MACROD2: variants seen among roughly 807,000 people sequenced by gnomAD.
MACROD2 encodes the protein ADP-ribose glycohydrolase MACROD2.
Under a neutral mutation model 70.4 loss-of-function variants are expected in MACROD2, and 36 were observed. That is an observed-to-expected ratio of 0.51 (90% CI 0.39 to 0.68). The LOEUF (loss-of-function observed/expected upper bound fraction) is 0.68, where lower values mean the gene tolerates loss of function less well. MACROD2 is among the 30% of genes least tolerant of loss of function. The pLI is 0.00. For missense variants in MACROD2, 496 were observed against 538.4 expected (o/e 0.92, Z 0.78); for synonymous variants, 172 against 178.8 (o/e 0.96, Z 0.30).
At chr20:14,621,903 G>A (rs2123454066) in intron 4 of MACROD2, 1 of 152,248 alleles carries the variant, frequency 6.6e-6, no homozygotes, top group South Asian at 2.1e-4. Context: ...CCACAGTCAG[G>A]CCTTGGGAGG....
At chr20:14,684,625 A>G (rs2070976495) in intron 4 of MACROD2, among the ~76,000 whole-genome samples, 1 of 145,186 alleles carries the variant, frequency 6.9e-6, no homozygotes, top group African/African-American at 2.6e-5. Flanking sequence ...TAACCCTTCT[A>G]CTTCTGTTCA....
intron 8 of MACROD2, among the ~76,000 whole-genome samples, chr20:15,564,391 C>T (rs573034791): frequency 1.3e-5 from 2 of 152,300 alleles, no homozygotes; most frequent in African/African-American, 4.8e-5. Context: ...ATGGTGTGCT[C>T]ATGTCTGCTT....
chr20:14,428,151 T>A (rs1428101256), intron 3 of MACROD2, among the ~76,000 whole-genome samples: 1 of 152,110 alleles, frequency 6.6e-6, no homozygotes. Context: ...CAATTTTTAA[T>A]GAATTGAAAT....
intron 5 of MACROD2, chr20:14,888,552 G>A (rs1787792446): frequency 2.0e-5 from 3 of 152,102 alleles, no homozygotes; most frequent in Non-Finnish European, 4.4e-5. Context: ...ATGCCCCTCT[G>A]TTGTAACTAC....
intron 3 of MACROD2, among the ~76,000 whole-genome samples, chr20:14,355,264 C>T (rs1351926983): frequency 1.3e-5 from 2 of 152,182 alleles, no homozygotes; most frequent in African/African-American, 4.8e-5. Context: ...AAAGATACCA[C>T]TTGTAACCTA....
At chr20:14,016,913 T>C (rs2053000414) in intron 2 of MACROD2, among the ~76,000 whole-genome samples, 1 of 152,136 alleles carries the variant, frequency 6.6e-6, no homozygotes, top group Non-Finnish European at 1.5e-5. Flanking sequence ...CCGATTATAT[T>C]GAATCTGTAG....
At chr20:14,887,707 A>T (rs2225302) in intron 5 of MACROD2, among the ~76,000 whole-genome samples, 100,440 of 151,884 alleles carry the variant, frequency 0.66, 33,506 homozygotes, top group East Asian at 0.84. Context: ...ATTTCTTGAA[A>T]AATAGCAGAA....
intron 3 of MACROD2, among the ~76,000 whole-genome samples, chr20:14,468,807 G>A (rs940231122): frequency 2.6e-5 from 4 of 152,094 alleles, no homozygotes; most frequent in African/African-American, 9.7e-5. Flanking sequence ...GTCACGCCCA[G>A]CCTCTATGTG....
At chr20:14,655,224 A>C (rs918907583) in intron 4 of MACROD2, among the ~76,000 whole-genome samples, 14 of 152,112 alleles carry the variant, frequency 9.2e-5, no homozygotes, top group African/African-American at 3.1e-4. Context: ...TTGTATTCTA[A>C]AAGAGTGTAG....
chr20:14,213,694 G>T lies in MACROD2; in HGVS notation c.271+127966G>T, dbSNP rs181357721. ...AATCAACTCTCTATGGACTGGGAGA[G>T]CTCAGGAACAATATAGCTTTAAAAA... On this transcript the variant is annotated intron_variant, in intron 3 of 17. Transcript: ENST00000684519. Among the ~76,000 whole-genome samples the T allele has an allele frequency of 4.8e-4, 73 of 152,118 alleles. No individual in the cohort carries two copies. The East Asian group carries it at 9.8e-3, about 21-fold the overall frequency.
intron 4 of MACROD2, among the ~76,000 whole-genome samples, chr20:14,559,025 G>T (rs1025323895): frequency 6.6e-6 from 1 of 151,708 alleles, no homozygotes; most frequent in African/African-American, 2.4e-5. Context: ...TCCATGAGTT[G>T]TAACGTTCTT....
chr20:15,102,940 A>G (rs940022392), intron 5 of MACROD2, among the ~76,000 whole-genome samples: 1 of 152,122 alleles, frequency 6.6e-6, no homozygotes, highest in Non-Finnish European at 1.5e-5. Context: ...CAAGTTGACC[A>G]AACTATTTAC....
chr20:14,439,399 A>C (rs1224899814), intron 3 of MACROD2, among the ~76,000 whole-genome samples: 3 of 152,202 alleles, frequency 2.0e-5, no homozygotes, highest in African/African-American at 7.2e-5. Flanking sequence ...CCCCATTTAA[A>C]AAATATCCTA....
chr20:15,009,940 C>T (rs1600943279), intron 5 of MACROD2, among the ~76,000 whole-genome samples: 1 of 152,128 alleles, frequency 6.6e-6, no homozygotes, highest in East Asian at 1.9e-4. Context: ...GTGTTATTGG[C>T]AAGATTATGT....
At chr20:14,973,225 CTTTTT>C (rs1223038135) in intron 5 of MACROD2, among the ~76,000 whole-genome samples, 97 of 85,734 alleles carry the variant, frequency 1.1e-3, no homozygotes, top group African/African-American at 4.0e-3. Flanking sequence ...TGAGTAGTTG[CTTTTT>C]TTTTTTTTTT....
intron 3 of MACROD2, among the ~76,000 whole-genome samples, chr20:14,259,768 C>T (rs1015270708): frequency 6.6e-6 from 1 of 152,154 alleles, no homozygotes; most frequent in Non-Finnish European, 1.5e-5. Context: ...TATGGAATCA[C>T]ATTCTTTTCT....
chr20:15,213,453 G>A (rs187000234), intron 5 of MACROD2, among the ~76,000 whole-genome samples: 1 of 152,048 alleles, frequency 6.6e-6, no homozygotes, highest in Admixed American at 6.5e-5. Flanking sequence ...GGTTAAGGAG[G>A]CCTCTTAGCA....
At chr20:15,037,312 A>G (rs2075320932) in intron 5 of MACROD2, among the ~76,000 whole-genome samples, 1 of 152,200 alleles carries the variant, frequency 6.6e-6, no homozygotes, top group Non-Finnish European at 1.5e-5. Context: ...TAATTTTAGT[A>G]GTTATTAATG....
intron 15 of MACROD2, among the ~76,000 whole-genome samples, chr20:16,036,304 G>A (rs1601361373): frequency 1.3e-5 from 2 of 150,830 alleles, no homozygotes; most frequent in African/African-American, 2.4e-5. Context: ...CATCTCTCAC[G>A]TTTATATATT....
Sources: allele counts gnomAD v4.1 joint callset (sites outside exome capture counted in the v4.1 genomes callset), GRCh38; gene constraint gnomAD v4.1.1; transcripts MANE v1.5; gene names NCBI Gene and HGNC (gene_info 2026-07-23, HGNC 2026-07-21).